GAS2: variants seen among roughly 807,000 people sequenced by gnomAD.
GAS2 encodes the protein growth arrest-specific protein 2.
In GAS2, 20 loss-of-function variants were observed where a neutral mutation model predicts 37.5. That is an observed-to-expected ratio of 0.53 (90% CI 0.37 to 0.77). The LOEUF (loss-of-function observed/expected upper bound fraction) is 0.77. GAS2 is among the 30% of genes least tolerant of loss of function. The pLI is 0.00. For synonymous variants in GAS2, 144 were observed against 132.2 expected (o/e 1.09, Z -0.61); for missense variants, 336 against 373.4 (o/e 0.90, Z 0.82).
rs376618829 is a variant in GAS2, at chr11:22,809,038, C to T, written c.724-2760C>T. Among the ~76,000 whole-genome samples, 15 of 152,244 alleles carry T rather than the reference C, an allele frequency of 9.9e-5. No individual in the cohort carries two copies. In the East Asian group the frequency reaches 2.3e-3, roughly 24 times the overall value. Reference sequence around the variant, plus strand: ...CAGTCAGGTTCTTGTTTTACAGAGGCGTACACTGAGAACCAGATCTTTGAT... The same window carrying T: ...CAGTCAGGTTCTTGTTTTACAGAGGTGTACACTGAGAACCAGATCTTTGAT... On this transcript the variant is annotated intron_variant, in intron 7 of 7. Transcript: ENST00000454584.
chr11:22,633,347 A>T (rs1387463837), intron 1 of GAS2, among the ~76,000 whole-genome samples: 2 of 152,138 alleles, frequency 1.3e-5, no homozygotes, highest in Non-Finnish European at 2.9e-5. Context: ...CATCTGTATG[A>T]ACTCCTTGGT....
At chr11:22,725,167 T>C (rs1565111204) in intron 3 of GAS2, among the ~76,000 whole-genome samples, 1 of 152,084 alleles carries the variant, frequency 6.6e-6, no homozygotes, top group Non-Finnish European at 1.5e-5. Context: ...AATTTATTTC[T>C]ATTAAAGAAA....
intron 7 of GAS2, among the ~76,000 whole-genome samples, chr11:22,806,351 A>G (rs937939842): frequency 2.6e-5 from 4 of 152,150 alleles, no homozygotes; most frequent in Admixed American, 2.0e-4. Flanking sequence ...TCATCCATTA[A>G]CGGACATGTA....
chr11:22,635,575 C>G (rs1009504466), intron 1 of GAS2, among the ~76,000 whole-genome samples: 5 of 152,226 alleles, frequency 3.3e-5, no homozygotes, highest in South Asian at 4.1e-4. Context: ...CACACCCCTC[C>G]CTGTCGGCCT....
At chr11:22,689,928 A>G (rs1460572108) in intron 3 of GAS2, among the ~76,000 whole-genome samples, 4 of 152,236 alleles carry the variant, frequency 2.6e-5, no homozygotes, top group African/African-American at 9.6e-5. Context: ...TAGTCAATAC[A>G]TTCTTTGAAT....
upstream of GAS2, among the ~76,000 whole-genome samples, chr11:22,665,079 T>G (rs977734822): frequency 6.6e-6 from 1 of 152,130 alleles, no homozygotes; most frequent in African/African-American, 2.4e-5. Context: ...CCAATTCCTC[T>G]GTAAGCCTCC....
intron 5 of GAS2, among the ~76,000 whole-genome samples, chr11:22,741,468 A>G (rs1430887100): frequency 1.3e-5 from 2 of 151,814 alleles, no homozygotes; most frequent in East Asian, 1.9e-4. Context: ...TAAAAAAAAA[A>G]CTTTTGATAT....
intron 3 of GAS2, among the ~76,000 whole-genome samples, chr11:22,686,177 A>G (rs1849936857): frequency 6.6e-6 from 1 of 152,230 alleles, no homozygotes; most frequent in East Asian, 1.9e-4. Flanking sequence ...GCAGAATACT[A>G]GAACAAAATT....
intron 7 of GAS2, among the ~76,000 whole-genome samples, chr11:22,796,104 C>T (rs1856418688): frequency 6.6e-6 from 1 of 152,150 alleles, no homozygotes; most frequent in African/African-American, 2.4e-5. Context: ...ATCTGCCAGT[C>T]AGACATTTCT....
At chr11:22,775,265 G>A (rs1425579088) in intron 7 of GAS2, among the ~76,000 whole-genome samples, 2 of 152,164 alleles carry the variant, frequency 1.3e-5, no homozygotes, top group South Asian at 2.1e-4. Flanking sequence ...GTTGGAGGAC[G>A]AGCATTCCAC....
At chr11:22,670,930 G>A (rs564446163) in intron 1 of GAS2, among the ~76,000 whole-genome samples, 21 of 151,944 alleles carry the variant, frequency 1.4e-4, no homozygotes, top group South Asian at 2.1e-4. Context: ...ATGTAATGTT[G>A]CAATGCATTT....
intron 7 of GAS2, among the ~76,000 whole-genome samples, chr11:22,766,024 C>G (rs930935171): frequency 1.3e-5 from 2 of 152,132 alleles, no homozygotes; most frequent in Admixed American, 6.5e-5. Context: ...TCACTCAGTG[C>G]GAGAGCTCAC....
At chr11:22,803,875 T>G (rs765160689) in intron 7 of GAS2, among the ~76,000 whole-genome samples, 1 of 151,780 alleles carries the variant, frequency 6.6e-6, no homozygotes, top group Non-Finnish European at 1.5e-5. Flanking sequence ...AAATCATGTA[T>G]AAACTAAACA....
At chr11:22,780,034 C>T (rs1226755397) in intron 7 of GAS2, among the ~76,000 whole-genome samples, 1 of 152,156 alleles carries the variant, frequency 6.6e-6, no homozygotes, top group African/African-American at 2.4e-5. Flanking sequence ...TTGCTCTCTT[C>T]CCAGTGTGGT....
rs527558935 is a variant in GAS2, at chr11:22,774,023, C to T, written c.723+18070C>T. On this transcript the variant is annotated intron_variant, in intron 7 of 7. Coordinates refer to ENST00000454584, the MANE Select transcript of GAS2 (RefSeq NM_001143830.3). ...TTTATTTTATTTTGAAACAGAGTTT[C>T]GCTCTTGTTGCCCAGGCTGGAGTAC... Among the ~76,000 whole-genome samples, 14 of 152,110 alleles carry T rather than the reference C, an allele frequency of 9.2e-5. 1 individual carries two copies. In the South Asian group the frequency reaches 1.9e-3, roughly 20 times the overall value.
At chr11:22,767,038 TA>T (rs1234164743) in intron 7 of GAS2, among the ~76,000 whole-genome samples, 2 of 152,224 alleles carry the variant, frequency 1.3e-5, no homozygotes, top group Non-Finnish European at 2.9e-5. Context: ...AAGTAATTTT[TA>T]CATAACATTT....
chr11:22,663,654 A>G (rs938670756), upstream of GAS2, among the ~76,000 whole-genome samples: 1 of 152,178 alleles, frequency 6.6e-6, no homozygotes, highest in Non-Finnish European at 1.5e-5. Flanking sequence ...TTTAAATTGC[A>G]TATTAGATGG....
intron 1 of GAS2, among the ~76,000 whole-genome samples, chr11:22,629,084 AT>A (rs1858709284): frequency 1.3e-5 from 2 of 151,920 alleles, no homozygotes; most frequent in African/African-American, 2.4e-5. Flanking sequence ...ATGGGCCCTT[AT>A]GTTGGTTCCG....
chr11:22,696,409 G>T (rs933389709), intron 3 of GAS2, among the ~76,000 whole-genome samples: 2 of 152,114 alleles, frequency 1.3e-5, no homozygotes, highest in African/African-American at 4.8e-5. Flanking sequence ...ACATACGTGT[G>T]CATGTGTCTT....
Sources: gnomAD v4.1 joint callset for allele counts (sites outside exome capture counted in the v4.1 genomes callset) on GRCh38, gnomAD v4.1.1 for gene constraint, MANE v1.5 for transcripts, NCBI Gene and HGNC (gene_info 2026-07-23, HGNC 2026-07-21) for gene names.